CACNG3: variants seen among roughly 807,000 people sequenced by gnomAD.
The protein encoded by CACNG3 is calcium voltage-gated channel auxiliary subunit gamma 3, also known as voltage-dependent calcium channel gamma-3 subunit.
In CACNG3, 3 loss-of-function variants were observed where a neutral mutation model predicts 28.5. The observed-to-expected ratio is 0.11, with a 90% CI of 0.05 to 0.27. The LOEUF is 0.27. Among genes scored for constraint, CACNG3 ranks in the 10% least tolerant of loss-of-function variants. The probability of loss-of-function intolerance (pLI) is 1.00; values close to 1 mark genes in which losing one functional copy is unlikely to be tolerated. For missense variants in CACNG3, 236 were observed against 414.4 expected (o/e 0.57, Z 3.74); for synonymous variants, 174 against 162.2 (o/e 1.07, Z -0.55).
chr16:24,356,900 A>C (rs1900039709), intron 3 of CACNG3, among the ~76,000 whole-genome samples: 3 of 152,110 alleles, frequency 2.0e-5, no homozygotes, highest in Admixed American at 1.3e-4. Context: ...AGGAGGAGCA[A>C]AGTCATGTCT....
At chr16:24,296,339 C>T (rs767938119) in intron 1 of CACNG3, among the ~76,000 whole-genome samples, 5 of 152,244 alleles carry the variant, frequency 3.3e-5, no homozygotes, top group Non-Finnish European at 5.9e-5. Flanking sequence ...ACTTGCAGCT[C>T]TTCCAGACCT....
intron 1 of CACNG3, among the ~76,000 whole-genome samples, chr16:24,305,461 G>T (rs1007547166): frequency 5.3e-5 from 8 of 151,288 alleles, no homozygotes; most frequent in African/African-American, 1.9e-4. Context: ...TGGGCTCAAG[G>T]GATCCTCCCA....
chr16:24,260,874 C>G (rs1369643535), intron 1 of CACNG3, among the ~76,000 whole-genome samples: 6 of 152,214 alleles, frequency 3.9e-5, no homozygotes, highest in South Asian at 4.1e-4. Flanking sequence ...CCCTAACCTG[C>G]TGCGTGTTAT....
rs560680686 is a variant in CACNG3, at chr16:24,318,527, AG to A, written c.212-28206del. ...TTTTCGAATGAATGAATGAAAAAACAGCAGCTTCTTGCCTAGTGCCCAGACC... is the reference window on the plus strand; with the variant it reads ...TTTTCGAATGAATGAATGAAAAAACACAGCTTCTTGCCTAGTGCCCAGACC... On this transcript the variant is annotated intron_variant, in intron 1 of 3. Coordinates refer to ENST00000005284, the MANE Select transcript of CACNG3 (RefSeq NM_006539.4). 3.9e-5 allele frequency among the ~76,000 whole-genome samples: 6 copies of A among 152,286 alleles called. No individual in the cohort carries two copies. The South Asian group carries it at 1.2e-3, about 32-fold the overall frequency.
At chr16:24,274,385 A>G (rs1469561219) in intron 1 of CACNG3, among the ~76,000 whole-genome samples, 2 of 151,978 alleles carry the variant, frequency 1.3e-5, no homozygotes, top group African/African-American at 4.8e-5. Context: ...TATTTGTTCA[A>G]CTCTTAGAAC....
At chr16:24,299,224 A>G (rs1024001612) in intron 1 of CACNG3, among the ~76,000 whole-genome samples, 3 of 152,060 alleles carry the variant, frequency 2.0e-5, no homozygotes, top group Non-Finnish European at 4.4e-5. Context: ...TTATTTATTC[A>G]TTTATTTACA....
At chr16:24,267,036 G>T (rs1347389545) in intron 1 of CACNG3, among the ~76,000 whole-genome samples, 4 of 148,838 alleles carry the variant, frequency 2.7e-5, no homozygotes, top group African/African-American at 1.0e-4. Context: ...GCACGATCTC[G>T]GCTTAGTACA....
intron 1 of CACNG3, among the ~76,000 whole-genome samples, chr16:24,299,745 G>A (rs993699531): frequency 6.6e-6 from 1 of 152,122 alleles, no homozygotes; most frequent in African/African-American, 2.4e-5. Flanking sequence ...AATCCAGTAT[G>A]ACGTGGTTCA....
At chr16:24,320,736 T>C (rs1899444817) in intron 1 of CACNG3, among the ~76,000 whole-genome samples, 1 of 152,162 alleles carries the variant, frequency 6.6e-6, no homozygotes, top group South Asian at 2.1e-4. Context: ...TCTTATTTTA[T>C]TTTATTTTTT....
intron 2 of CACNG3, among the ~76,000 whole-genome samples, chr16:24,349,468 T>A (rs1899912722): frequency 6.6e-6 from 1 of 152,282 alleles, no homozygotes; most frequent in Non-Finnish European, 1.5e-5. Flanking sequence ...TACTTCTTGA[T>A]TAATGGTAAA....
At chr16:24,351,441 A>T (rs997027999) in intron 2 of CACNG3, among the ~76,000 whole-genome samples, 1 of 151,780 alleles carries the variant, frequency 6.6e-6, no homozygotes, top group African/African-American at 2.4e-5. Flanking sequence ...GTATGGTGGC[A>T]TGCGCCTGTA....
At chr16:24,284,529 G>A (rs929671259) in intron 1 of CACNG3, among the ~76,000 whole-genome samples, 19 of 152,004 alleles carry the variant, frequency 1.2e-4, no homozygotes, top group Admixed American at 7.2e-4. Flanking sequence ...ACTTGTCTCC[G>A]ACTGCATTTA....
chr16:24,282,405 CCTTTTTTTTTTTTTAAACGGAAT>C (rs918462725), intron 1 of CACNG3, among the ~76,000 whole-genome samples: 9 of 139,388 alleles, frequency 6.5e-5, no homozygotes, highest in Admixed American at 5.6e-4. Flanking sequence ...TTCATTACTT[CCTTTTTTTTTTTTTAAACGGAAT>C]CTTACACTCG....
chr16:24,317,684 G>GAAAGAAAGAA (rs1899397538), intron 1 of CACNG3, among the ~76,000 whole-genome samples: 1 of 104,716 alleles, frequency 9.5e-6, no homozygotes, highest in South Asian at 2.8e-4. Flanking sequence ...AAGAAAGAAA[G>GAAAGAAAGAA]AAAGAAAGAA....
At chr16:24,344,608 T>G (rs1257535973) in intron 1 of CACNG3, among the ~76,000 whole-genome samples, 1 of 151,834 alleles carries the variant, frequency 6.6e-6, no homozygotes, top group African/African-American at 2.4e-5. Flanking sequence ...AGGGAAGAAA[T>G]TATGGGTCTG....
At chr16:24,257,367 G>GA (rs1233788058) in intron 1 of CACNG3, among the ~76,000 whole-genome samples, 1 of 108,514 alleles carries the variant, frequency 9.2e-6, no homozygotes, top group Non-Finnish European at 1.8e-5. Context: ...GAAGTGAGGG[G>GA]GGAGAGAGAG....
At chr16:24,266,940 G>A (rs1354402289) in intron 1 of CACNG3, among the ~76,000 whole-genome samples, 2 of 151,916 alleles carry the variant, frequency 1.3e-5, no homozygotes, top group African/African-American at 4.8e-5. Context: ...AGGTGCCAAG[G>A]AACTAGGGAA....
Position 24,317,643 on chromosome 16 carries a change from A to G in CACNG3, c.212-29091A>G, listed in dbSNP as rs866815936. The stretch of plus-strand genomic sequence containing the variant: ...GAAAGAAAGACAGACAGAAAGAAAG[A>G]AAAGAAAAGAAAGAAAGAAAGAAAG... On this transcript the variant is annotated intron_variant, in intron 1 of 3. Transcript: ENST00000005284. 6.3e-4 allele frequency among the ~76,000 whole-genome samples: 40 copies of G among 63,234 alleles called. 2 individuals carry two copies. Among genetic ancestry groups the G allele is most frequent in the African/African-American group, 9.2e-4 (12 of 13,028 alleles). The allele number at this position is 63,234 out of a possible 152,430, so 41.5% of individuals were successfully genotyped here.
chr16:24,263,737 T>C lies in CACNG3; in HGVS notation c.211+6772T>C, dbSNP rs571451074. The stretch of plus-strand genomic sequence containing the variant: ...AACATAGCAAGTGCCATCAACTGTT[T>C]CTGTTTTAATTCTTGTGTTTCCTTC... On this transcript the variant is annotated intron_variant, in intron 1 of 3. Transcript: ENST00000005284. 6.6e-5 allele frequency among the ~76,000 whole-genome samples: 10 copies of C among 152,364 alleles called. 1 individual carries two copies. In the South Asian group the frequency reaches 1.4e-3, roughly 22 times the overall value.
Sources: gnomAD v4.1 joint callset for allele counts (sites outside exome capture counted in the v4.1 genomes callset) on GRCh38, gnomAD v4.1.1 for gene constraint, MANE v1.5 for transcripts, NCBI Gene and HGNC (gene_info 2026-07-23, HGNC 2026-07-21) for gene names.